Variants in GRM8 observed in about 807,000 individuals in gnomAD.
GRM8 encodes metabotropic glutamate receptor 8.
GRM8 carries 47 observed loss-of-function variants against 87.2 expected under a neutral mutation model. The ratio of observed to expected loss-of-function variants is 0.54; its 90% CI spans 0.43 to 0.69. GRM8 has a LOEUF of 0.69. Ranked by LOEUF, GRM8 falls within the 30% of genes least tolerant of loss-of-function variation. GRM8 has a pLI of 0.00. For synonymous variants in GRM8, 396 were observed against 404.5 expected (o/e 0.98, Z 0.25); for missense variants, 1,019 against 1,139.2 (o/e 0.89, Z 1.52).
chr7:126,590,256 A>C (rs984022938), intron 8 of GRM8, among the ~76,000 whole-genome samples: 2 of 152,028 alleles, frequency 1.3e-5, no homozygotes, highest in Non-Finnish European at 2.9e-5. Context: ...TCAGCAATAG[A>C]ATTGAACAAG....
chr7:127,090,592 T>G (rs540824800), intron 3 of GRM8, among the ~76,000 whole-genome samples: 2 of 152,350 alleles, frequency 1.3e-5, no homozygotes, highest in African/African-American at 4.8e-5. Flanking sequence ...CAGATTCAAG[T>G]TTAGCAACCT....
At chr7:126,754,162 C>T (rs1348127836) in intron 7 of GRM8, among the ~76,000 whole-genome samples, 1 of 151,834 alleles carries the variant, frequency 6.6e-6, no homozygotes, top group Non-Finnish European at 1.5e-5. Flanking sequence ...TAGATTGAAT[C>T]TGTTGGCATA....
At chr7:126,674,612 T>G (rs1452873019) in intron 7 of GRM8, among the ~76,000 whole-genome samples, 2 of 152,028 alleles carry the variant, frequency 1.3e-5, no homozygotes, top group Admixed American at 6.6e-5. Context: ...TAACTATAAT[T>G]TAATGAAATA....
At chr7:126,573,406 T>C (rs979918450) in intron 8 of GRM8, among the ~76,000 whole-genome samples, 2 of 151,978 alleles carry the variant, frequency 1.3e-5, no homozygotes, top group Non-Finnish European at 2.9e-5. Context: ...GGAGTCAAGA[T>C]ATATGTCAAA....
chr7:126,794,775 A>T (rs893006081), intron 6 of GRM8, among the ~76,000 whole-genome samples: 4 of 152,172 alleles, frequency 2.6e-5, no homozygotes, highest in Non-Finnish European at 5.9e-5. Flanking sequence ...ACGTTCTGTA[A>T]CTCCATCTTA....
chr7:126,646,739 T>C (rs1187055402), intron 7 of GRM8, among the ~76,000 whole-genome samples: 1 of 152,230 alleles, frequency 6.6e-6, no homozygotes, highest in East Asian at 1.9e-4. Context: ...CATTGGCTTT[T>C]TGTAGTGATT....
chr7:127,181,194 C>T (rs1794415198), intron 2 of GRM8, among the ~76,000 whole-genome samples: 1 of 151,996 alleles, frequency 6.6e-6, no homozygotes, highest in Non-Finnish European at 1.5e-5. Flanking sequence ...CTTCTATACA[C>T]CAACAGCAAG....
rs551534942 is a variant in GRM8, at chr7:126,976,652, A to C, written c.728-71969T>G. Among the ~76,000 whole-genome samples the C allele has an allele frequency of 7.2e-5, 11 of 152,292 alleles. No homozygotes were observed. In the South Asian group the frequency reaches 1.9e-3, roughly 26 times the overall value. On this transcript the variant is annotated intron_variant, in intron 3 of 10. Transcript: ENST00000339582. The stretch of plus-strand genomic sequence containing the variant: ...CAAAGTATCATGAAATTTAACAAAA[A>C]ATGGTCTTATGTTTCCAAAAGGATA...
At chr7:126,513,065 T>G (rs952014872) in intron 9 of GRM8, among the ~76,000 whole-genome samples, 4 of 152,156 alleles carry the variant, frequency 2.6e-5, no homozygotes, top group African/African-American at 9.7e-5. Flanking sequence ...TCATTACCAC[T>G]TTTCTGGATA....
At chr7:127,032,364 C>T (rs766562157) in intron 3 of GRM8, among the ~76,000 whole-genome samples, 3 of 152,138 alleles carry the variant, frequency 2.0e-5, no homozygotes, top group Non-Finnish European at 4.4e-5. Context: ...ACATTCAACT[C>T]ACTTTCACTG....
chr7:126,947,824 A>G (rs969245500), intron 3 of GRM8, among the ~76,000 whole-genome samples: 1 of 152,202 alleles, frequency 6.6e-6, no homozygotes, highest in African/African-American at 2.4e-5. Flanking sequence ...GCTGAAAAGT[A>G]GTTGCCATTG....
rs551409476 is a variant in GRM8, at chr7:126,703,386, G to A, written c.1357+66479C>T. Among the ~76,000 whole-genome samples, 127 of 152,264 alleles carry A rather than the reference G, an allele frequency of 8.3e-4. 1 individual carries two copies. The highest frequency in any genetic ancestry group is 1.6e-3 in the Non-Finnish European group (107 of 68,006). On this transcript the variant is annotated intron_variant, in intron 7 of 10. Transcript: ENST00000339582. ...TTTTTGGGTATCTTTGGTTGCACAA[G>A]TCAAAGTTGAGATGCAAACCAGACA...
intron 6 of GRM8, among the ~76,000 whole-genome samples, chr7:126,850,389 A>G (rs1454431810): frequency 6.6e-6 from 1 of 152,054 alleles, no homozygotes; most frequent in Non-Finnish European, 1.5e-5. Flanking sequence ...TTGTTTATGT[A>G]TTTTCTAAGT....
chr7:127,052,900 TAAC>T (rs1819632488), intron 3 of GRM8, among the ~76,000 whole-genome samples: 1 of 152,184 alleles, frequency 6.6e-6, no homozygotes, highest in South Asian at 2.1e-4. Context: ...TCAACAATAT[TAAC>T]ATCATAATAT....
At chr7:126,960,860 G>A (rs1482393745) in intron 3 of GRM8, among the ~76,000 whole-genome samples, 1 of 151,980 alleles carries the variant, frequency 6.6e-6, no homozygotes, top group Non-Finnish European at 1.5e-5. Flanking sequence ...GAATTGAGTG[G>A]GATCTCAAAT....
rs547106216 is a variant in GRM8 at position 126,988,094 on chromosome 7, A to G, written c.728-83411T>C. Among the ~76,000 whole-genome samples the G allele has an allele frequency of 2.0e-5, 3 of 152,230 alleles. No homozygotes were observed. In the South Asian group the frequency reaches 6.2e-4, roughly 32 times the overall value. ...TCGTTTAAAAAAAAAAAATGACAACACAGATGCACTGAGCTTTTCAAACTA... is the reference window on the plus strand; with the variant it reads ...TCGTTTAAAAAAAAAAAATGACAACGCAGATGCACTGAGCTTTTCAAACTA... On this transcript the variant is annotated intron_variant, in intron 3 of 10. Transcript: ENST00000339582.
chr7:126,546,184 A>T (rs551079687), intron 8 of GRM8, among the ~76,000 whole-genome samples: 34 of 152,216 alleles, frequency 2.2e-4, no homozygotes, highest in Non-Finnish European at 4.1e-4. Context: ...TGTTCTAATC[A>T]CTTAACATTT....
intron 2 of GRM8, among the ~76,000 whole-genome samples, chr7:127,185,970 A>G (rs1465458257): frequency 2.6e-5 from 4 of 152,196 alleles, no homozygotes; most frequent in Non-Finnish European, 4.4e-5. Context: ...TTGAGCCTTA[A>G]CAGGGGAAAG....
intron 7 of GRM8, among the ~76,000 whole-genome samples, chr7:126,763,105 A>AC (rs1277112782): frequency 0.051 from 6,350 of 123,798 alleles, 477 homozygotes; most frequent in African/African-American, 0.16. Flanking sequence ...TTTTGACACA[A>AC]CACCCCCCCA....
Sources: allele counts gnomAD v4.1 joint callset (sites outside exome capture counted in the v4.1 genomes callset), GRCh38; gene constraint gnomAD v4.1.1; transcripts MANE v1.5; gene names NCBI Gene and HGNC (gene_info 2026-07-23, HGNC 2026-07-21).